FGD4: variants seen among roughly 807,000 people sequenced by gnomAD.
The protein encoded by FGD4 is FYVE, RhoGEF and PH domain-containing protein 4.
Under a neutral mutation model 102.0 loss-of-function variants are expected in FGD4, and 42 were observed. That is an observed-to-expected ratio of 0.41 (90% CI 0.32 to 0.53). The LOEUF (loss-of-function observed/expected upper bound fraction) is 0.53. Among genes scored for constraint, FGD4 ranks in the 20% least tolerant of loss-of-function variants. FGD4 has a pLI of 0.21. For missense variants in FGD4, 902 were observed against 1,078.2 expected (o/e 0.84, Z 2.29); for synonymous variants, 380 against 375.7 (o/e 1.01, Z -0.13).
rs1941993467 is a variant in FGD4 at position 32,533,625 on chromosome 12, A to G, written c.167-30512A>G. Among the ~76,000 whole-genome samples the G allele has an allele frequency of 3.9e-5, 6 of 152,246 alleles. No homozygotes were observed. In the South Asian group the frequency reaches 1.2e-3, roughly 32 times the overall value. ...ATTTTTAGTAGAGATGGATTTCACC[A>G]TGTTGGCCAGGCTGGTTTCGAACTC... On this transcript the variant is annotated intron_variant, in intron 1 of 16. Coordinates refer to ENST00000534526, the MANE Select transcript of FGD4 (RefSeq NM_001370298.3).
At position 32,619,803 on chromosome 12, in the gene FGD4, C is replaced by A. The variant is rs747308033; in HGVS notation, c.1855C>A (p.Gln619Lys). Residue 619 changes from glutamine to lysine, a missense_variant, in exon 11 of 17, where the codon CAA (glutamine) becomes AAA (lysine). Gln to Lys is a moderately conservative substitution (Grantham distance 53). Coordinates refer to ENST00000534526, the MANE Select transcript of FGD4 (RefSeq NM_001370298.3). ...GIDGMKIVET[Q>K]NEEYPHTFQV... ...TGATGGAATGAAAATTGTAGAGACT[C>A]AAAATGAAGAATATCCACATACTTT... 1 of 1,614,124 alleles carries A rather than the reference C, an allele frequency of 6.2e-7. No individual in the cohort carries two copies. Among genetic ancestry groups the A allele is most frequent in the South Asian group, 1.1e-5 (1 of 91,074 alleles).
chr12:32,535,958 T>C (rs1398471045), intron 1 of FGD4, among the ~76,000 whole-genome samples: 1 of 152,224 alleles, frequency 6.6e-6, no homozygotes, highest in Admixed American at 6.5e-5. Flanking sequence ...TAAGTTCCTT[T>C]TTAGGTTTTT....
intron 1 of FGD4, among the ~76,000 whole-genome samples, chr12:32,442,609 G>T (rs1166843584): frequency 1.4e-5 from 2 of 145,498 alleles, no homozygotes; most frequent in Non-Finnish European, 3.0e-5. Context: ...TGTCTCCAAG[G>T]CTGGGGCGCA....
intron 2 of FGD4, among the ~76,000 whole-genome samples, chr12:32,567,761 C>T (rs1029735787): frequency 2.1e-5 from 3 of 145,572 alleles, no homozygotes; most frequent in African/African-American, 7.7e-5. Flanking sequence ...GATCTTGGCT[C>T]ACTGCGGCCT....
At chr12:32,402,117 ATTTTTTT>A (rs56852726) in intron 1 of FGD4, among the ~76,000 whole-genome samples, 17,916 of 104,880 alleles carry the variant, frequency 0.17, 1,672 homozygotes, top group South Asian at 0.27. Context: ...TTGGCCAGGC[ATTTTTTT>A]TTTTTTTTTT....
At chr12:32,525,854 C>A (rs528134953) in intron 1 of FGD4, among the ~76,000 whole-genome samples, 2 of 152,328 alleles carry the variant, frequency 1.3e-5, no homozygotes, top group South Asian at 2.1e-4. Flanking sequence ...TCCCCCAGCA[C>A]TGCTGGCCCA....
At chr12:32,454,763 A>G (rs12809847) in intron 1 of FGD4, among the ~76,000 whole-genome samples, 22,712 of 152,170 alleles carry the variant, frequency 0.15, 1,814 homozygotes, top group Middle Eastern at 0.38. Flanking sequence ...CTGGTATCTT[A>G]AATTGACCGC....
At chr12:32,472,026 C>T (rs1336880802) in intron 1 of FGD4, among the ~76,000 whole-genome samples, 1 of 152,212 alleles carries the variant, frequency 6.6e-6, no homozygotes, top group African/African-American at 2.4e-5. Context: ...GCAGCCCATA[C>T]AAGTCTCACT....
At position 32,442,043 on chromosome 12, in the gene FGD4, G is replaced by GT. The variant is rs66975190; in HGVS notation, c.166+42099dup. Among the ~76,000 whole-genome samples the GT allele has an allele frequency of 5.3e-3, 700 of 130,976 alleles. 8 individuals are homozygous for GT. Among genetic ancestry groups the GT allele is most frequent in the South Asian group, 0.018 (75 of 4,268 alleles). 85.9% of individuals were successfully genotyped at this position (130,976 alleles called of 152,430 possible). On this transcript the variant is annotated intron_variant, in intron 1 of 16. Coordinates refer to ENST00000534526, the MANE Select transcript of FGD4 (RefSeq NM_001370298.3). ...GCTGGCAATTCAGGAGTGTTGTTGTGTTTTTTTTTTTTTTTGGTTTTTTTT... is the reference window on the plus strand; with the variant it reads ...GCTGGCAATTCAGGAGTGTTGTTGTGTTTTTTTTTTTTTTTTGGTTTTTTTT...
intron 1 of FGD4, among the ~76,000 whole-genome samples, chr12:32,419,955 T>C (rs1175712792): frequency 6.6e-6 from 1 of 152,210 alleles, no homozygotes; most frequent in African/African-American, 2.4e-5. Flanking sequence ...AGGGCTGGCA[T>C]TGGCACTTCA....
At chr12:32,598,974 A>G (rs905329990) in intron 5 of FGD4, among the ~76,000 whole-genome samples, 1 of 152,196 alleles carries the variant, frequency 6.6e-6, no homozygotes, top group Non-Finnish European at 1.5e-5. Context: ...TTTGCTATCT[A>G]GCATTATGTG....
chr12:32,491,151 C>A (rs4001849), intron 1 of FGD4, among the ~76,000 whole-genome samples: 60,736 of 127,672 alleles, frequency 0.48, 13,611 homozygotes, highest in Middle Eastern at 0.59. Context: ...AAAAAAAAAA[C>A]AAAAAACTAT....
intron 4 of FGD4, among the ~76,000 whole-genome samples, chr12:32,584,219 G>A (rs1282454327): frequency 4.6e-5 from 7 of 152,158 alleles, no homozygotes; most frequent in African/African-American, 7.2e-5. Flanking sequence ...CGGTTGATGC[G>A]AACACCACAT....
At chr12:32,437,144 A>G (rs1004992828) in intron 1 of FGD4, among the ~76,000 whole-genome samples, 6 of 151,716 alleles carry the variant, frequency 4.0e-5, no homozygotes, top group Non-Finnish European at 8.8e-5. Flanking sequence ...AAAACAAATC[A>G]CACAGAACAT....
At chr12:32,520,550 C>T (rs1434484783) in intron 1 of FGD4, among the ~76,000 whole-genome samples, 1 of 151,638 alleles carries the variant, frequency 6.6e-6, no homozygotes, top group East Asian at 1.9e-4. Flanking sequence ...ATTCTCCTCC[C>T]TCAGCCTCCT....
chr12:32,525,173 A>G (rs1233043316), intron 1 of FGD4, among the ~76,000 whole-genome samples: 1 of 152,162 alleles, frequency 6.6e-6, no homozygotes, highest in African/African-American at 2.4e-5. Flanking sequence ...CCTCTCCAGA[A>G]TGAGGGTTTT....
intron 1 of FGD4, among the ~76,000 whole-genome samples, chr12:32,530,386 G>A (rs1323686196): frequency 6.6e-6 from 1 of 152,164 alleles, no homozygotes; most frequent in Non-Finnish European, 1.5e-5. Flanking sequence ...GAGAAGCTGA[G>A]CCATGAGAAT....
At chr12:32,473,979 T>G (rs983261186) in intron 1 of FGD4, among the ~76,000 whole-genome samples, 4 of 151,700 alleles carry the variant, frequency 2.6e-5, no homozygotes, top group African/African-American at 9.7e-5. Flanking sequence ...TCCCAGCTAC[T>G]CGGGAGGCTG....
chr12:32,514,520 T>C (rs922401672), intron 1 of FGD4, among the ~76,000 whole-genome samples: 1 of 151,988 alleles, frequency 6.6e-6, no homozygotes, highest in African/African-American at 2.4e-5. Context: ...AAGCTTTTTG[T>C]TTTTGTTTTG....
Sources: allele counts gnomAD v4.1 joint callset (sites outside exome capture counted in the v4.1 genomes callset), GRCh38; gene constraint gnomAD v4.1.1; transcripts MANE v1.5; gene names NCBI Gene and HGNC (gene_info 2026-07-23, HGNC 2026-07-21).